Variants in BANK1 observed in about 807,000 individuals in gnomAD.
BANK1 encodes the protein B-cell scaffold protein with ankyrin repeats.
In BANK1, 95 loss-of-function variants were observed where a neutral mutation model predicts 94.5. That is an observed-to-expected ratio of 1.00 (90% confidence interval 0.85 to 1.19). BANK1 has a LOEUF of 1.19. Ranked by LOEUF, BANK1 falls within the 50% of genes most tolerant of loss-of-function variation. BANK1 has a pLI of 0.00. For missense variants in BANK1, 987 were observed against 932.2 expected, an observed-to-expected ratio of 1.06 and a Z score of -0.77; for synonymous variants, 334 against 308.4, an observed-to-expected ratio of 1.08 and a Z score of -0.87.
intron 10 of BANK1, among the ~76,000 whole-genome samples, chr4:102,033,324 T>C (rs182231215): frequency 1.3e-5 from 2 of 152,218 alleles, no homozygotes; most frequent in Admixed American, 6.5e-5. Context: ...GAGAAAGAAC[T>C]TGGGGCCATG....
intron 5 of BANK1, among the ~76,000 whole-genome samples, chr4:101,894,165 A>C (rs1721978287): frequency 6.6e-6 from 1 of 151,926 alleles, no homozygotes; most frequent in Non-Finnish European, 1.5e-5. Context: ...GGGACTCTTC[A>C]TTGCCCATAT....
At chr4:102,053,282 T>A (rs1728116549) in intron 11 of BANK1, among the ~76,000 whole-genome samples, 1 of 152,172 alleles carries the variant, frequency 6.6e-6, no homozygotes, top group Admixed American at 6.5e-5. Flanking sequence ...GGGCTCACTA[T>A]GAGACAGGAA....
At chr4:101,884,856 C>T (rs1448527460) in intron 5 of BANK1, among the ~76,000 whole-genome samples, 3 of 152,148 alleles carry the variant, frequency 2.0e-5, no homozygotes, top group African/African-American at 4.8e-5. Context: ...TTCTTGCACA[C>T]CTCCTACTAT....
intron 10 of BANK1, among the ~76,000 whole-genome samples, chr4:102,030,497 C>T (rs528260402): frequency 1.3e-4 from 19 of 151,688 alleles, no homozygotes; most frequent in Non-Finnish European, 2.4e-4. Context: ...AGTCTTGTTA[C>T]TAGGTATGTG....
intron 9 of BANK1, among the ~76,000 whole-genome samples, chr4:102,025,959 A>G (rs1727079709): frequency 6.6e-6 from 1 of 152,256 alleles, no homozygotes. Flanking sequence ...AATGCTAATG[A>G]TCGACAATTT....
intron 5 of BANK1, among the ~76,000 whole-genome samples, chr4:101,890,794 T>A (rs2148889334): frequency 1.3e-5 from 2 of 151,444 alleles, no homozygotes; most frequent in South Asian, 4.2e-4. Flanking sequence ...TCTCTTGTAT[T>A]TTAAATGCAC....
In BANK1 at chr4:101,915,064, G is replaced by A. The variant is rs80255574; in HGVS notation, c.1010-2929G>A. 0.013 allele frequency among the ~76,000 whole-genome samples: 1,952 copies of A among 152,216 alleles called. 131 individuals are homozygous for A. The East Asian group carries it at 0.18, about 14-fold the overall frequency. ...GCAAATGACTGGGAAAGTGCCTTAAGGTGTTACAAACAAATTTTGTGAGTA... is the reference window on the plus strand; with the variant it reads ...GCAAATGACTGGGAAAGTGCCTTAAAGTGTTACAAACAAATTTTGTGAGTA... On this transcript the variant is annotated intron_variant, in intron 6 of 16. Coordinates refer to ENST00000322953, the MANE Select transcript of BANK1 (RefSeq NM_017935.5).
chr4:102,014,861 C>T (rs1366274164), intron 7 of BANK1, among the ~76,000 whole-genome samples: 1 of 152,128 alleles, frequency 6.6e-6, no homozygotes, highest in Non-Finnish European at 1.5e-5. Flanking sequence ...GAAATTCACT[C>T]TTAATATCTT....
At chr4:101,830,264 A>G in intron 2 of BANK1, 58 bp downstream of exon 2, 1 of 1,361,180 alleles carries the variant, frequency 7.3e-7, no homozygotes. Context: ...TTTTGTAATT[A>G]AAGAATTGCA....
At chr4:101,908,557 G>A (rs1359189291) in intron 6 of BANK1, among the ~76,000 whole-genome samples, 2 of 152,156 alleles carry the variant, frequency 1.3e-5, no homozygotes, top group African/African-American at 4.8e-5. Context: ...TTGACAAATG[G>A]TATCTAATTA....
intron 7 of BANK1, among the ~76,000 whole-genome samples, chr4:101,923,204 T>A (rs566223113): frequency 6.6e-6 from 1 of 151,926 alleles, no homozygotes; most frequent in African/African-American, 2.4e-5. Context: ...GTTATTCATA[T>A]CAAATTTAGA....
intron 7 of BANK1, among the ~76,000 whole-genome samples, chr4:102,013,652 A>T (rs1257926775): frequency 6.6e-6 from 1 of 151,946 alleles, no homozygotes; most frequent in Non-Finnish European, 1.5e-5. Flanking sequence ...ACCTGAAAAT[A>T]GGGATTTTTT....
At chr4:101,916,475 CTT>C (rs1722832573) in intron 6 of BANK1, among the ~76,000 whole-genome samples, 1 of 151,928 alleles carries the variant, frequency 6.6e-6, no homozygotes, top group South Asian at 2.1e-4. Flanking sequence ...ATATTCTAAA[CTT>C]GAGTATATTT....
intron 7 of BANK1, among the ~76,000 whole-genome samples, chr4:101,935,931 T>C (rs1195607154): frequency 6.6e-6 from 1 of 151,482 alleles, no homozygotes; most frequent in African/African-American, 2.4e-5. Flanking sequence ...GATTAAAGAC[T>C]TAAATCTAAC....
chr4:101,928,235 G>C (rs1423808031), intron 7 of BANK1, among the ~76,000 whole-genome samples: 1 of 151,574 alleles, frequency 6.6e-6, no homozygotes, highest in Admixed American at 6.6e-5. Flanking sequence ...CTCTAATTTA[G>C]TTTGTCCCAA....
At chr4:102,069,940 C>G (rs779880332) in intron 13 of BANK1, among the ~76,000 whole-genome samples, 1 of 152,032 alleles carries the variant, frequency 6.6e-6, no homozygotes, top group Non-Finnish European at 1.5e-5. Context: ...ATCTGGAATT[C>G]TAGATAAAAC....
At chr4:101,872,882 G>A (rs1029877408) in intron 5 of BANK1, among the ~76,000 whole-genome samples, 4 of 151,956 alleles carry the variant, frequency 2.6e-5, no homozygotes, top group African/African-American at 9.7e-5. Context: ...CATCTACTCA[G>A]GTGCTTGAGG....
intron 7 of BANK1, among the ~76,000 whole-genome samples, chr4:102,012,555 T>A (rs1244370540): frequency 3.3e-5 from 5 of 152,152 alleles, no homozygotes; most frequent in Non-Finnish European, 7.4e-5. Flanking sequence ...ACTTAAAAGG[T>A]CTTTTGTTTC....
chr4:101,897,624 A>G (rs1169620763), intron 6 of BANK1, among the ~76,000 whole-genome samples: 1 of 152,012 alleles, frequency 6.6e-6, no homozygotes, highest in Non-Finnish European at 1.5e-5. Context: ...ACTAGGTACT[A>G]AGACTTTAGA....
Sources: gnomAD v4.1 joint callset for allele counts (sites outside exome capture counted in the v4.1 genomes callset) on GRCh38, gnomAD v4.1.1 for gene constraint, MANE v1.5 for transcripts, NCBI Gene and HGNC (gene_info 2026-07-23, HGNC 2026-07-21) for gene names.